The following LRP1B variants were observed in gnomAD, a reference collection of about 807,000 sequenced individuals.
The protein encoded by LRP1B is LDL receptor related protein 1B, also known as low-density lipoprotein receptor-related protein 1B.
Under a neutral mutation model 556.6 loss-of-function variants are expected in LRP1B, and 217 were observed. That is an observed-to-expected ratio of 0.39 (90% CI 0.35 to 0.44). The LOEUF (loss-of-function observed/expected upper bound fraction) is 0.44. LRP1B is among the 20% of genes least tolerant of loss of function. The pLI, the probability that LRP1B is intolerant of heterozygous loss-of-function variation, is 1.00. For synonymous variants in LRP1B, 2,047 were observed against 1,865.8 expected (o/e 1.10, Z -2.50); for missense variants, 5,053 against 5,620.8 (o/e 0.90, Z 3.23).
At chr2:141,641,226 A>C (rs1293847843) in intron 2 of LRP1B, among the ~76,000 whole-genome samples, 1 of 151,946 alleles carries the variant, frequency 6.6e-6, no homozygotes, top group African/African-American at 2.4e-5. Flanking sequence ...GGTGCTAATA[A>C]AGTGCCAGCA....
chr2:140,659,762 T>C (rs1268243138), intron 41 of LRP1B, among the ~76,000 whole-genome samples: 4 of 151,980 alleles, frequency 2.6e-5, no homozygotes, highest in African/African-American at 9.7e-5. Flanking sequence ...CCAAAATGCA[T>C]GATCAAAGCC....
chr2:141,833,145 A>G (rs1175359973), intron 1 of LRP1B, among the ~76,000 whole-genome samples: 5 of 151,772 alleles, frequency 3.3e-5, no homozygotes, highest in African/African-American at 1.2e-4. Flanking sequence ...TTGCAGTTAA[A>G]TCAACTGAAT....
intron 1 of LRP1B, among the ~76,000 whole-genome samples, chr2:141,961,438 C>T (rs769748744): frequency 1.1e-4 from 16 of 151,566 alleles, no homozygotes; most frequent in Non-Finnish European, 7.4e-5. Flanking sequence ...ATGTTATAAC[C>T]TAATAAGGTG....
intron 43 of LRP1B, among the ~76,000 whole-genome samples, chr2:140,551,522 C>A (rs1162648431): frequency 6.6e-6 from 1 of 152,176 alleles, no homozygotes; most frequent in African/African-American, 2.4e-5. Context: ...ATATATAACA[C>A]ATTCCTTTCT....
At position 140,457,459 on chromosome 2, in the gene LRP1B, T is replaced by A; in HGVS notation, c.9814+4A>T. The A allele has an allele frequency of 1.3e-6, 2 of 1,598,110 alleles. No individual in the cohort carries two copies. Among genetic ancestry groups the A allele is most frequent in the Non-Finnish European group, 8.6e-7 (1 of 1,166,488 alleles). On this transcript the variant is annotated splice_donor_region_variant and intron_variant, in intron 61 of 90. Transcript: ENST00000389484. Reference sequence around the variant, plus strand: ...TTTATGGAAATCATGGAAAGAATAATTACCATCAGGTTGTCTATAAGAATG... The same window carrying A: ...TTTATGGAAATCATGGAAAGAATAAATACCATCAGGTTGTCTATAAGAATG...
intron 2 of LRP1B, among the ~76,000 whole-genome samples, chr2:141,779,608 G>C (rs1249883440): frequency 3.3e-5 from 5 of 151,162 alleles, no homozygotes; most frequent in Non-Finnish European, 7.4e-5. Context: ...GTAAAGATGG[G>C]GTTTCGCCTC....
At chr2:140,547,766 G>A (rs886087530) in intron 43 of LRP1B, among the ~76,000 whole-genome samples, 2 of 151,874 alleles carry the variant, frequency 1.3e-5, no homozygotes, top group African/African-American at 4.8e-5. Flanking sequence ...AAGAGAGCTT[G>A]GTAATCAGTA....
chr2:140,428,357 C>T (rs143567124), intron 66 of LRP1B, among the ~76,000 whole-genome samples: 14,049 of 152,226 alleles, frequency 0.092, 936 homozygotes, highest in Middle Eastern at 0.23. Flanking sequence ...AAATTCCAAA[C>T]GCCTAAACCG....
intron 41 of LRP1B, among the ~76,000 whole-genome samples, chr2:140,604,497 C>T (rs961415681): frequency 1.3e-5 from 2 of 152,134 alleles, no homozygotes; most frequent in African/African-American, 4.8e-5. Context: ...CAAAGGACTT[C>T]AGTTCATAGA....
intron 32 of LRP1B, among the ~76,000 whole-genome samples, chr2:140,810,883 C>T (rs1215115630): frequency 9.9e-5 from 15 of 151,916 alleles, no homozygotes; most frequent in Admixed American, 9.8e-4. Flanking sequence ...TTACAGGCAC[C>T]CGCTACCATG....
chr2:141,678,058 G>A (rs568634946), intron 2 of LRP1B, among the ~76,000 whole-genome samples: 194 of 152,218 alleles, frequency 1.3e-3, no homozygotes, highest in Non-Finnish European at 2.2e-3. Context: ...GACAACTGAG[G>A]AATAAGGATA....
intron 7 of LRP1B, among the ~76,000 whole-genome samples, chr2:141,170,585 C>T (rs912286655): frequency 6.6e-6 from 1 of 152,000 alleles, no homozygotes; most frequent in African/African-American, 2.4e-5. Flanking sequence ...GCTGACTAGG[C>T]ATGGGAAAAT....
chr2:141,988,051 C>T (rs1036009753), intron 1 of LRP1B, among the ~76,000 whole-genome samples: 4 of 151,782 alleles, frequency 2.6e-5, no homozygotes, highest in African/African-American at 9.6e-5. Context: ...ATTTCTATGT[C>T]TAAAAAATGC....
intron 2 of LRP1B, among the ~76,000 whole-genome samples, chr2:141,753,013 C>T (rs1694175306): frequency 1.4e-5 from 2 of 144,956 alleles, no homozygotes; most frequent in South Asian, 4.4e-4. Context: ...CATTGGGAGG[C>T]CGAGGCAGGT....
chr2:140,445,487 C>T (rs1180935150), intron 63 of LRP1B, among the ~76,000 whole-genome samples: 1 of 151,938 alleles, frequency 6.6e-6, no homozygotes, highest in African/African-American at 2.4e-5. Flanking sequence ...TCAGATTTAT[C>T]GATATTCATC....
At chr2:141,461,016 TAA>T (rs1287463816) in intron 3 of LRP1B, among the ~76,000 whole-genome samples, 1 of 149,328 alleles carries the variant, frequency 6.7e-6, no homozygotes, top group African/African-American at 2.5e-5. Flanking sequence ...TCTTTGCAGT[TAA>T]AGAGTGAGCT....
At chr2:141,782,733 G>A (rs1342451035) in intron 2 of LRP1B, among the ~76,000 whole-genome samples, 2 of 151,896 alleles carry the variant, frequency 1.3e-5, no homozygotes, top group Non-Finnish European at 2.9e-5. Context: ...TGAGCATATG[G>A]TCAATGAGGA....
chr2:141,868,712 A>AT (rs1254060467), intron 1 of LRP1B, among the ~76,000 whole-genome samples: 1 of 152,060 alleles, frequency 6.6e-6, no homozygotes, highest in African/African-American at 2.4e-5. Flanking sequence ...ATGGACTTGT[A>AT]TTTTTCCCCC....
chr2:141,335,048 A>G (rs1348045208), intron 3 of LRP1B, among the ~76,000 whole-genome samples: 1 of 152,230 alleles, frequency 6.6e-6, no homozygotes, highest in Non-Finnish European at 1.5e-5. Flanking sequence ...AGGCATGGGA[A>G]GAAAAGCATT....
Sources: gnomAD v4.1 joint callset for allele counts (sites outside exome capture counted in the v4.1 genomes callset) on GRCh38, gnomAD v4.1.1 for gene constraint, MANE v1.5 for transcripts, NCBI Gene and HGNC (gene_info 2026-07-23, HGNC 2026-07-21) for gene names.